DACH2: variants seen among roughly 807,000 people sequenced by gnomAD.
The protein encoded by DACH2 is dachshund homolog 2.
A neutral mutation model predicts 35.8 loss-of-function variants in DACH2; 17 were observed. The observed-to-expected ratio is 0.48, with a 90% CI of 0.33 to 0.71. The LOEUF is 0.71. DACH2 is among the 30% of genes least tolerant of loss of function. The pLI is 0.02. For missense variants in DACH2, 469 were observed against 472.7 expected, an observed-to-expected ratio of 0.99 and a Z score of 0.07; for synonymous variants, 195 against 177.3, an observed-to-expected ratio of 1.10 and a Z score of -0.79.
At position 86,832,309 on chromosome X, in the gene DACH2, G is replaced by T. The variant is rs184084209; in HGVS notation, c.*154G>T. 2.2e-6 allele frequency: 1 copy of T among 456,273 alleles called. No individual in the cohort carries two copies. The highest frequency in any genetic ancestry group is 4.5e-5 in the Admixed American group (1 of 22,220). The allele number at this position is 456,273 out of a possible 1,213,427, so 37.6% of individuals were successfully genotyped here. A position where few individuals can be genotyped will look rare whatever the true frequency, so the allele number is the denominator to read the frequency against. On this transcript the variant is annotated 3_prime_UTR_variant, in exon 12 of 12. Coordinates refer to ENST00000373125, the MANE Select transcript of DACH2 (RefSeq NM_053281.3). ...CTATGTTACATTAAAAAAGAAACGC[G>T]TGTACATTTTAAAAGCAATGATGTA...
chrX:86,486,449 G>T (rs781200522), intron 2 of DACH2, among the ~76,000 whole-genome samples: 1 of 110,856 alleles, frequency 9.0e-6, no homozygotes, highest in Admixed American at 9.7e-5. Flanking sequence ...ATTACATCTA[G>T]TGTGAAGTTC....
chrX:86,739,994 A>G, intron 7 of DACH2, 112 bp downstream of exon 7: 1 of 730,552 alleles, frequency 1.4e-6, no homozygotes, highest in Non-Finnish European at 1.9e-6. Context: ...CCTTAATATA[A>G]ATAGCTTTTT....
At chrX:86,571,022 GAC>G (rs2039360127) in intron 3 of DACH2, among the ~76,000 whole-genome samples, 1 of 111,095 alleles carries the variant, frequency 9.0e-6, no homozygotes, top group Non-Finnish European at 1.9e-5. Flanking sequence ...CTAACACAAT[GAC>G]ACAGAGATTT....
At chrX:86,755,077 T>C (rs182682431) in intron 7 of DACH2, among the ~76,000 whole-genome samples, 1 of 111,632 alleles carries the variant, frequency 9.0e-6, no homozygotes, top group African/African-American at 3.2e-5. Flanking sequence ...TCCGCATCCT[T>C]GCCAGCATCT....
intron 3 of DACH2, among the ~76,000 whole-genome samples, chrX:86,650,374 C>A (rs1183829926): frequency 9.0e-6 from 1 of 110,927 alleles, no homozygotes; most frequent in Non-Finnish European, 1.9e-5. Context: ...AAGTCTTTTC[C>A]TTCTTCTCCC....
At chrX:86,413,307 G>T (rs1034390761) in intron 2 of DACH2, among the ~76,000 whole-genome samples, 19 of 112,123 alleles carry the variant, frequency 1.7e-4, no homozygotes, top group African/African-American at 5.8e-4. Flanking sequence ...GACAGTAAAG[G>T]TATATTGCTG....
intron 2 of DACH2, among the ~76,000 whole-genome samples, chrX:86,412,452 T>C (rs1569387121): frequency 9.0e-6 from 1 of 111,590 alleles, no homozygotes; most frequent in Non-Finnish European, 1.9e-5. Flanking sequence ...TGTCACCTAG[T>C]TGGTGTTGTA....
chrX:86,453,497 T>C (rs772998345), intron 2 of DACH2, among the ~76,000 whole-genome samples: 1 of 111,894 alleles, frequency 8.9e-6, no homozygotes, highest in South Asian at 3.7e-4. Flanking sequence ...TGGGTACTCA[T>C]GTATTGGTTG....
intron 2 of DACH2, among the ~76,000 whole-genome samples, chrX:86,379,376 C>T (rs2148106634): frequency 9.0e-6 from 1 of 110,612 alleles, no homozygotes; most frequent in East Asian, 2.8e-4. Context: ...CTGCCATGGA[C>T]CTTAGCACAT....
intron 3 of DACH2, among the ~76,000 whole-genome samples, chrX:86,563,797 T>G (rs1192749195): frequency 2.7e-5 from 3 of 110,930 alleles, no homozygotes; most frequent in Non-Finnish European, 5.7e-5. Context: ...TTGGCCCACC[T>G]CTGTAAAACA....
chrX:86,460,637 C>A (rs1339799141), intron 2 of DACH2, among the ~76,000 whole-genome samples: 1 of 110,449 alleles, frequency 9.1e-6, no homozygotes, highest in Non-Finnish European at 1.9e-5. Flanking sequence ...TTATTCATTA[C>A]TGGAATGTAT....
At chrX:86,331,808 G>A (rs2035217839) in intron 1 of DACH2, among the ~76,000 whole-genome samples, 1 of 111,436 alleles carries the variant, frequency 9.0e-6, no homozygotes, top group African/African-American at 3.2e-5. Context: ...GATTAGAGAC[G>A]TGACCCAATT....
intron 1 of DACH2, among the ~76,000 whole-genome samples, chrX:86,151,140 A>G (rs2030349885): frequency 9.4e-6 from 1 of 106,060 alleles, no homozygotes; most frequent in Non-Finnish European, 2.0e-5. Context: ...GCTACTTACT[A>G]AAAAAAAAAA....
At chrX:86,196,608 G>A (rs1177663683) in intron 1 of DACH2, among the ~76,000 whole-genome samples, 1 of 100,776 alleles carries the variant, frequency 9.9e-6, no homozygotes, top group Admixed American at 1.1e-4. Context: ...CAGGAGAATG[G>A]CGTGAACCCA....
At position 86,311,481 on chromosome X, in the gene DACH2, A is replaced by T. The variant is rs2034799087; in HGVS notation, c.489-65343A>T. On this transcript the variant is annotated intron_variant, in intron 1 of 11. Coordinates refer to ENST00000373125, the MANE Select transcript of DACH2 (RefSeq NM_053281.3). ...CTGCCAGGCTGGGGCAAAGTTCTCC[A>T]GAAGGCCATGTATGCTCTGAATCAC... is the stretch of plus-strand genomic sequence containing the variant. Among the ~76,000 whole-genome samples, 3 of 111,579 alleles carry T rather than the reference A, an allele frequency of 2.7e-5. No homozygotes were observed. The Admixed American group carries it at 2.9e-4, about 11-fold the overall frequency.
chrX:86,466,869 G>A (rs1404869853), intron 2 of DACH2, among the ~76,000 whole-genome samples: 1 of 110,777 alleles, frequency 9.0e-6, no homozygotes, highest in Non-Finnish European at 1.9e-5. Flanking sequence ...GCCACGGCTG[G>A]AGTGGCTGGA....
intron 1 of DACH2, among the ~76,000 whole-genome samples, chrX:86,329,866 A>G (rs2035181340): frequency 8.9e-6 from 1 of 111,745 alleles, no homozygotes; most frequent in South Asian, 3.7e-4. Context: ...TGTTTGGAAG[A>G]TATTTATAGT....
chrX:86,410,386 G>T (rs2036590481), intron 2 of DACH2, among the ~76,000 whole-genome samples: 1 of 111,877 alleles, frequency 8.9e-6, no homozygotes, highest in Admixed American at 9.5e-5. Flanking sequence ...TGCTTTGCTA[G>T]AAAATGTTAC....
intron 1 of DACH2, among the ~76,000 whole-genome samples, chrX:86,188,291 C>T (rs773320717): frequency 1.8e-5 from 2 of 111,765 alleles, no homozygotes; most frequent in Non-Finnish European, 3.8e-5. Flanking sequence ...AGTTGAAACT[C>T]AGGGTGAATT....
Sources: allele counts gnomAD v4.1 joint callset (sites outside exome capture counted in the v4.1 genomes callset), GRCh38; gene constraint gnomAD v4.1.1; transcripts MANE v1.5; gene names NCBI Gene and HGNC (gene_info 2026-07-23, HGNC 2026-07-21).